Variants in PTK2 observed in about 807,000 individuals in gnomAD.
The protein encoded by PTK2 is protein tyrosine kinase 2, also known as focal adhesion kinase 1.
A neutral mutation model predicts 150.1 loss-of-function variants in PTK2; 45 were observed. The observed-to-expected ratio is 0.30, with a 90% confidence interval of 0.24 to 0.38. PTK2 has a LOEUF of 0.38. PTK2 is among the 10% of genes least tolerant of loss of function. PTK2 has a pLI of 1.00. For synonymous variants in PTK2, 432 were observed against 449.2 expected (o/e 0.96, Z 0.48); for missense variants, 919 against 1,307.3 (o/e 0.70, Z 4.58).
At chr8:140,893,030 C>T (rs974766501) in intron 2 of PTK2, among the ~76,000 whole-genome samples, 1 of 152,150 alleles carries the variant, frequency 6.6e-6, no homozygotes, top group Non-Finnish European at 1.5e-5. Context: ...AAATGTATGT[C>T]CAAATAAAAA....
chr8:140,810,002 A>G (rs2100100486), intron 10 of PTK2, among the ~76,000 whole-genome samples: 2 of 152,210 alleles, frequency 1.3e-5, no homozygotes, highest in Non-Finnish European at 2.9e-5. Flanking sequence ...AAGACACAGA[A>G]GCTGGGCTGA....
chr8:140,834,340 G>T (rs1049907690), intron 7 of PTK2, among the ~76,000 whole-genome samples: 3 of 152,136 alleles, frequency 2.0e-5, no homozygotes, highest in Admixed American at 2.0e-4. Context: ...AAGGTATAGA[G>T]GCATGAGGAG....
intron 2 of PTK2, among the ~76,000 whole-genome samples, chr8:140,902,206 G>A (rs1466127120): frequency 6.6e-6 from 1 of 152,008 alleles, no homozygotes; most frequent in South Asian, 2.1e-4. Flanking sequence ...GCTAATTTTT[G>A]TATTTTTAGT....
At chr8:140,977,972 G>A (rs1397128716) in intron 1 of PTK2, among the ~76,000 whole-genome samples, 1 of 152,124 alleles carries the variant, frequency 6.6e-6, no homozygotes, top group Non-Finnish European at 1.5e-5. Flanking sequence ...ACAACTATCT[G>A]ATCTTTGACA....
At chr8:140,905,459 T>C (rs755160436) in intron 2 of PTK2, among the ~76,000 whole-genome samples, 3 of 152,086 alleles carry the variant, frequency 2.0e-5, no homozygotes, top group African/African-American at 7.2e-5. Context: ...AAGAGATCAA[T>C]GCAACAAGAA....
In PTK2 at chr8:140,717,584, G is replaced by C. The variant is rs1052661242; in HGVS notation, c.2142+14C>G. The C allele has an allele frequency of 6.9e-6, 11 of 1,594,066 alleles. No homozygotes were observed. In the African/African-American group the frequency reaches 1.5e-4, roughly 21 times the overall value. On this transcript the variant is annotated intron_variant, in intron 23 of 31. Coordinates refer to ENST00000522684, the Ensembl canonical transcript of PTK2. Reference sequence around the variant, plus strand: ...TAAGAGTAACCCCAAAGTTGGGGTGGGGACTGTAGCTACCTTGGGCGGTGC... The same window carrying C: ...TAAGAGTAACCCCAAAGTTGGGGTGCGGACTGTAGCTACCTTGGGCGGTGC...
chr8:140,740,485 G>T (rs2100055050), intron 20 of PTK2, among the ~76,000 whole-genome samples: 1 of 152,210 alleles, frequency 6.6e-6, no homozygotes, highest in Admixed American at 6.5e-5. Flanking sequence ...TGCCTCTGAA[G>T]ACTATCAGAA....
chr8:140,881,336 G>A (rs1600340420), intron 3 of PTK2, among the ~76,000 whole-genome samples: 2 of 152,324 alleles, frequency 1.3e-5, no homozygotes, highest in East Asian at 3.9e-4. Flanking sequence ...TCTCAGAAGT[G>A]ACTTCTGCAG....
chr8:140,723,255 T>C lies in PTK2; in HGVS notation c.2031-5546A>G, dbSNP rs138798128. Among the ~76,000 whole-genome samples, 686 of 152,358 alleles carry C rather than the reference T, an allele frequency of 4.5e-3. 4 individuals carry two copies. The highest frequency in any genetic ancestry group is 0.016 in the African/African-American group (649 of 41,582). On this transcript the variant is annotated intron_variant, in intron 22 of 31. Transcript: ENST00000522684. ...TCTTGTAAGCTAAGTATCACTTGCA[T>C]ATTATAGACACTTTGATATTTAATT...
chr8:140,787,352 T>C (rs1437714094), intron 14 of PTK2, among the ~76,000 whole-genome samples: 7 of 152,234 alleles, frequency 4.6e-5, no homozygotes, highest in Non-Finnish European at 7.3e-5. Flanking sequence ...AACTATCTTA[T>C]AGGCCCTTTG....
intron 3 of PTK2, among the ~76,000 whole-genome samples, chr8:140,884,987 T>G (rs1012793026): frequency 6.6e-6 from 1 of 152,190 alleles, no homozygotes; most frequent in Non-Finnish European, 1.5e-5. Context: ...AAAAGTTCAA[T>G]GTACCAGTCA....
chr8:140,795,971 G>A (rs890303215), intron 12 of PTK2, among the ~76,000 whole-genome samples: 1 of 152,110 alleles, frequency 6.6e-6, no homozygotes, highest in African/African-American at 2.4e-5. Context: ...AGTTTGCATT[G>A]AGCGGCATCC....
intron 23 of PTK2, 105 bp downstream of exon 26, chr8:140,717,493 A>G: frequency 4.7e-6 from 4 of 859,540 alleles, no homozygotes; most frequent in Non-Finnish European, 7.8e-6. Context: ...TTACTCTTAG[A>G]ATAACCTGAT....
In PTK2 at chr8:140,819,718, C is replaced by T. The variant is rs532777248; in HGVS notation, c.649-698G>A. On this transcript the variant is annotated intron_variant, in intron 8 of 31. Coordinates refer to ENST00000522684, the Ensembl canonical transcript of PTK2. ...GATGCCTTTAAAAGGCAAGAGCACA[C>T]GTGTGGGTCCTGGTGAGCACACAGC... 3.3e-5 allele frequency among the ~76,000 whole-genome samples: 5 copies of T among 152,304 alleles called. No homozygotes were observed. In the East Asian group the frequency reaches 7.7e-4, roughly 23 times the overall value.
At chr8:140,731,512 C>T (rs1220053025) in intron 22 of PTK2, among the ~76,000 whole-genome samples, 2 of 152,122 alleles carry the variant, frequency 1.3e-5, no homozygotes, top group Non-Finnish European at 2.9e-5. Context: ...CAGACATCAC[C>T]TCATCAAAGT....
At chr8:140,732,528 T>C in intron 22 of PTK2, 1 of 525,394 alleles carries the variant, frequency 1.9e-6, no homozygotes, top group Non-Finnish European at 3.9e-6. Flanking sequence ...TGTATCTAGC[T>C]AGCTAGGCTA....
intron 18 of PTK2, among the ~76,000 whole-genome samples, chr8:140,745,999 CAAAAAAA>C (rs367643506): frequency 1.4e-5 from 1 of 69,800 alleles, no homozygotes; most frequent in Non-Finnish European, 2.9e-5. Flanking sequence ...GACTCTGTCT[CAAAAAAA>C]AAAAAAAGAA....
intron 23 of PTK2, among the ~76,000 whole-genome samples, chr8:140,708,133 C>A (rs2100034819): frequency 6.6e-6 from 1 of 152,192 alleles, no homozygotes; most frequent in African/African-American, 2.4e-5. Flanking sequence ...CCATTACTGT[C>A]TAGCCAAATT....
At chr8:140,890,558 A>G (rs1266503468) in exon 3 of PTK2, 2 of 1,613,992 alleles carry the variant, frequency 1.2e-6, no homozygotes, top group South Asian at 1.1e-5. Flanking sequence ...CATCAGTAGC[A>G]TCTCCATGCC....
Sources: allele counts gnomAD v4.1 joint callset (sites outside exome capture counted in the v4.1 genomes callset), GRCh38; gene constraint gnomAD v4.1.1; transcripts MANE v1.5; gene names NCBI Gene and HGNC (gene_info 2026-07-23, HGNC 2026-07-21).